BTBD9: variants seen among roughly 807,000 people sequenced by gnomAD.
The protein encoded by BTBD9 is BTB domain containing 9, also known as BTB/POZ domain-containing protein 9.
BTBD9 carries 49 observed loss-of-function variants against 64.3 expected under a neutral mutation model. That is an observed-to-expected ratio of 0.76 (90% confidence interval 0.61 to 0.97). BTBD9 has a LOEUF of 0.97. Ranked by LOEUF, BTBD9 falls within the 50% of genes least tolerant of loss-of-function variation. BTBD9 has a pLI of 0.00. For missense variants in BTBD9, 598 were observed against 762.1 expected, an observed-to-expected ratio of 0.78 and a Z score of 2.53; for synonymous variants, 260 against 274.7, an observed-to-expected ratio of 0.95 and a Z score of 0.53.
chr6:38,451,021 A>G (rs528922271), intron 6 of BTBD9, among the ~76,000 whole-genome samples: 77 of 152,230 alleles, frequency 5.1e-4, no homozygotes, highest in African/African-American at 1.8e-3. Context: ...CCTCTTCTCT[A>G]TTGAAAGTCT....
At chr6:38,504,785 T>C (rs977604123) in intron 6 of BTBD9, among the ~76,000 whole-genome samples, 4 of 152,170 alleles carry the variant, frequency 2.6e-5, no homozygotes, top group Non-Finnish European at 4.4e-5. Flanking sequence ...ACAAAGGGAA[T>C]GTTCATCAAT....
chr6:38,503,006 A>G (rs1164840412), intron 6 of BTBD9, among the ~76,000 whole-genome samples: 1 of 152,226 alleles, frequency 6.6e-6, no homozygotes, highest in Non-Finnish European at 1.5e-5. Context: ...AAAGCAATTA[A>G]TTCAGTTTGG....
chr6:38,224,646 A>G (rs990288790), intron 9 of BTBD9, among the ~76,000 whole-genome samples: 2 of 152,254 alleles, frequency 1.3e-5, no homozygotes, highest in African/African-American at 4.8e-5. Flanking sequence ...AAACTTGTGT[A>G]AGACCAAGAT....
In BTBD9 at chr6:38,591,327, C is replaced by G. The variant is rs540737788; in HGVS notation, c.814+1249G>C. 2.6e-5 allele frequency among the ~76,000 whole-genome samples: 4 copies of G among 152,270 alleles called. No homozygotes were observed. In the South Asian group the frequency reaches 8.3e-4, roughly 32 times the overall value. On this transcript the variant is annotated intron_variant, in intron 4 of 10. Transcript: ENST00000481247. Reference sequence around the variant, plus strand: ...CATGATTCTTCCCATCTGAAATTCACCCAACTCTTATACTATTCAAATCAA... The same window carrying G: ...CATGATTCTTCCCATCTGAAATTCAGCCAACTCTTATACTATTCAAATCAA...
intron 6 of BTBD9, among the ~76,000 whole-genome samples, chr6:38,460,368 C>T (rs1770019381): frequency 6.6e-6 from 1 of 152,194 alleles, no homozygotes; most frequent in South Asian, 2.1e-4. Context: ...AATCTGACAA[C>T]ACATTCCTAT....
chr6:38,257,838 A>C (rs114611966), intron 8 of BTBD9, among the ~76,000 whole-genome samples: 8 of 152,228 alleles, frequency 5.3e-5, no homozygotes, highest in African/African-American at 1.9e-4. Context: ...GAAAGGGTAA[A>C]AGGGAACTTT....
intron 6 of BTBD9, among the ~76,000 whole-genome samples, chr6:38,518,307 G>A (rs543143606): frequency 2.6e-5 from 4 of 152,236 alleles, no homozygotes; most frequent in South Asian, 4.1e-4. Flanking sequence ...TCCTCCCAAC[G>A]TGAAAAGAGG....
intron 1 of BTBD9, among the ~76,000 whole-genome samples, chr6:38,635,877 C>A (rs1285259108): frequency 6.6e-6 from 1 of 152,044 alleles, no homozygotes; most frequent in African/African-American, 2.4e-5. Flanking sequence ...AATAGCAGCA[C>A]AAAACAAAGA....
chr6:38,417,297 C>G (rs1481826360), intron 6 of BTBD9, among the ~76,000 whole-genome samples: 1 of 152,178 alleles, frequency 6.6e-6, no homozygotes, highest in East Asian at 1.9e-4. Context: ...GTAGTTAGCC[C>G]TGTAGACAAG....
At chr6:38,389,445 G>A (rs764536849) in intron 6 of BTBD9, among the ~76,000 whole-genome samples, 2 of 152,162 alleles carry the variant, frequency 1.3e-5, no homozygotes, top group Non-Finnish European at 2.9e-5. Context: ...GATGCCACCA[G>A]TAAACACGTA....
intron 4 of BTBD9, among the ~76,000 whole-genome samples, chr6:38,585,492 T>A (rs1379612514): frequency 6.6e-6 from 1 of 152,166 alleles, no homozygotes; most frequent in Non-Finnish European, 1.5e-5. Flanking sequence ...AAAAATTTTT[T>A]AGAGACTGCA....
chr6:38,241,707 C>G (rs557384291), intron 9 of BTBD9, among the ~76,000 whole-genome samples: 77 of 152,278 alleles, frequency 5.1e-4, no homozygotes, highest in African/African-American at 1.6e-3. Flanking sequence ...GTGAAATTCA[C>G]TTACATTCCA....
intron 6 of BTBD9, among the ~76,000 whole-genome samples, chr6:38,443,104 G>C (rs1769115012): frequency 6.6e-6 from 1 of 152,166 alleles, no homozygotes; most frequent in African/African-American, 2.4e-5. Context: ...ATGGATTGTG[G>C]TGGTATGACT....
chr6:38,383,566 C>A lies in BTBD9; in HGVS notation c.1155-38473G>T, dbSNP rs559124589. 2.0e-5 allele frequency among the ~76,000 whole-genome samples: 3 copies of A among 152,042 alleles called. No individual in the cohort carries two copies. The South Asian group carries it at 6.2e-4, about 32-fold the overall frequency. On this transcript the variant is annotated intron_variant, in intron 6 of 10. Coordinates refer to ENST00000481247, the MANE Select transcript of BTBD9 (RefSeq NM_001099272.2). ...TAAAAGACACTGTACAAAATGGCAA[C>A]AAAAATAGATGTTACATCTAGAAAT...
intron 9 of BTBD9, among the ~76,000 whole-genome samples, chr6:38,240,657 A>C (rs1763961670): frequency 6.6e-6 from 1 of 152,246 alleles, no homozygotes; most frequent in Non-Finnish European, 1.5e-5. Context: ...AAATTCATAA[A>C]GTTAATTAAT....
At chr6:38,193,758 A>C in intron 9 of BTBD9, 2 of 969,020 alleles carry the variant, frequency 2.1e-6, no homozygotes, top group Non-Finnish European at 1.2e-6. Flanking sequence ...TGTTTCCTGT[A>C]ATTGTCTAAT....
chr6:38,189,732 G>A (rs779725541), intron 10 of BTBD9, among the ~76,000 whole-genome samples: 1 of 152,018 alleles, frequency 6.6e-6, no homozygotes, highest in East Asian at 1.9e-4. Context: ...GGAGTGCAGT[G>A]GCACAATCTT....
At chr6:38,374,305 A>ATATG (rs1459305916) in intron 6 of BTBD9, among the ~76,000 whole-genome samples, 1 of 66,600 alleles carries the variant, frequency 1.5e-5, no homozygotes, top group Non-Finnish European at 3.0e-5. Context: ...ATGTATATAT[A>ATATG]TGTATATATA....
At chr6:38,239,131 C>T (rs2127523098) in intron 9 of BTBD9, among the ~76,000 whole-genome samples, 1 of 152,226 alleles carries the variant, frequency 6.6e-6, no homozygotes, top group South Asian at 2.1e-4. Context: ...GTTCACTTTA[C>T]ACTTCAGATA....
Sources: gnomAD v4.1 joint callset for allele counts (sites outside exome capture counted in the v4.1 genomes callset) on GRCh38, gnomAD v4.1.1 for gene constraint, MANE v1.5 for transcripts, NCBI Gene and HGNC (gene_info 2026-07-23, HGNC 2026-07-21) for gene names.